ITGA8: variants seen among roughly 807,000 people sequenced by gnomAD.
The protein encoded by ITGA8 is integrin alpha-8.
Under a neutral mutation model 142.3 loss-of-function variants are expected in ITGA8, and 91 were observed. The ratio of observed to expected loss-of-function variants is 0.64; its 90% CI spans 0.54 to 0.76. The LOEUF (loss-of-function observed/expected upper bound fraction) is 0.76, where lower values mean the gene tolerates loss of function less well. Among genes scored for constraint, ITGA8 ranks in the 30% least tolerant of loss-of-function variants. The probability of loss-of-function intolerance (pLI) is 0.00; values close to 1 mark genes in which losing one functional copy is unlikely to be tolerated. For missense variants in ITGA8, 1,406 were observed against 1,327.7 expected (o/e 1.06, Z -0.92); for synonymous variants, 505 against 485.2 (o/e 1.04, Z -0.54).
At chr10:15,607,602 T>C (rs1833217924) in intron 17 of ITGA8, 75 bp downstream of exon 17, 2 of 1,387,330 alleles carry the variant, frequency 1.4e-6, no homozygotes, top group Non-Finnish European at 2.0e-6. Context: ...ACAAACATGA[T>C]GGTTAAATGG....
chr10:15,608,627 G>C (rs1451603149), intron 15 of ITGA8, among the ~76,000 whole-genome samples: 1 of 152,106 alleles, frequency 6.6e-6, no homozygotes, highest in Non-Finnish European at 1.5e-5. Context: ...GGAAGAATTA[G>C]GCAGCAGAGC....
chr10:15,699,211 G>C (rs1835113028), intron 2 of ITGA8, among the ~76,000 whole-genome samples: 2 of 152,190 alleles, frequency 1.3e-5, no homozygotes, highest in Admixed American at 1.3e-4. Context: ...TTGAACCTGG[G>C]AAGCAGAGGT....
intron 13 of ITGA8, among the ~76,000 whole-genome samples, chr10:15,642,215 A>AT (rs1833884464): frequency 6.6e-6 from 1 of 152,122 alleles, no homozygotes; most frequent in African/African-American, 2.4e-5. Flanking sequence ...CTGCTTTTAA[A>AT]TTTTTTCTCC....
rs201549387 is a variant in ITGA8 at position 15,548,561 on chromosome 10, G to C, written c.2774C>G (p.Thr925Arg). The change falls in exon 27 of 30, where the codon ACA (threonine) becomes AGA (arginine). Residue 925 changes from threonine (T) to arginine (R), a missense_variant. Transcript: ENST00000378076. The stretch of plus-strand genomic sequence containing the variant: ...GGAGATTTGTAAACACTCGATATTT[G>C]TACAATTCTGCAAACAGCAGTGGGA... Reference protein sequence around the residue: ...RQSPAKILNCTNIECLQISCA... With the variant: ...RQSPAKILNCRNIECLQISCA... 1.2e-6 allele frequency: 2 copies of C among 1,608,486 alleles called. No homozygotes were observed. Among genetic ancestry groups the C allele is most frequent in the Admixed American group, 3.4e-5 (2 of 59,436 alleles).
chr10:15,536,430 A>C (rs184812186), intron 27 of ITGA8, among the ~76,000 whole-genome samples: 24 of 152,356 alleles, frequency 1.6e-4, no homozygotes, highest in Admixed American at 1.3e-3. Context: ...GGCATGGCAC[A>C]GGTGAGTATT....
At chr10:15,605,667 C>T (rs1328609204) in intron 19 of ITGA8, 57 bp downstream of exon 19, 4 of 1,394,794 alleles carry the variant, frequency 2.9e-6, no homozygotes, top group Non-Finnish European at 2.0e-6. Context: ...AGAACCTTTA[C>T]ATAAATACCT....
chr10:15,549,163 A>G (rs866605802), intron 26 of ITGA8, among the ~76,000 whole-genome samples: 1 of 135,810 alleles, frequency 7.4e-6, no homozygotes, highest in Non-Finnish European at 1.6e-5. Flanking sequence ...CATTCTATCT[A>G]TCAAATCAGA....
intron 20 of ITGA8, among the ~76,000 whole-genome samples, chr10:15,598,461 C>T (rs1036464151): frequency 6.6e-6 from 1 of 152,014 alleles, no homozygotes; most frequent in Non-Finnish European, 1.5e-5. Flanking sequence ...AAACCGAAAA[C>T]CCAAGCAAAA....
chr10:15,708,685 G>A (rs1004731581), intron 2 of ITGA8, among the ~76,000 whole-genome samples: 1 of 152,196 alleles, frequency 6.6e-6, no homozygotes, highest in African/African-American at 2.4e-5. Context: ...TTCGATAGGT[G>A]CAGTTAAGTA....
At chr10:15,552,208 C>T (rs1015714567) in intron 26 of ITGA8, among the ~76,000 whole-genome samples, 2 of 151,908 alleles carry the variant, frequency 1.3e-5, no homozygotes, top group African/African-American at 4.8e-5. Context: ...GCCATCTCAG[C>T]GCACTACAAG....
chr10:15,652,546 C>T (rs1329328115), intron 11 of ITGA8, among the ~76,000 whole-genome samples: 3 of 151,892 alleles, frequency 2.0e-5, no homozygotes, highest in East Asian at 1.9e-4. Context: ...TATGTCTGGC[C>T]TTCAAGTTCT....
At chr10:15,617,296 A>G (rs1280628444) in intron 13 of ITGA8, among the ~76,000 whole-genome samples, 1 of 151,934 alleles carries the variant, frequency 6.6e-6, no homozygotes, top group Admixed American at 6.5e-5. Flanking sequence ...ACAAGTAGGT[A>G]AGTGGTGGAA....
At chr10:15,661,063 G>T in intron 8 of ITGA8, 141 bp from the exon 9 acceptor site, 1 of 716,682 alleles carries the variant, frequency 1.4e-6, no homozygotes, top group East Asian at 2.7e-5. Flanking sequence ...CAAGCCCCAG[G>T]CCATCAACCA....
intron 27 of ITGA8, among the ~76,000 whole-genome samples, chr10:15,535,077 G>A (rs1186835375): frequency 6.6e-5 from 10 of 152,172 alleles, no homozygotes; most frequent in Non-Finnish European, 1.0e-4. Context: ...CTTAGCACCC[G>A]GGCCAGCGGC....
chr10:15,627,097 C>G (rs1269900899), intron 13 of ITGA8, among the ~76,000 whole-genome samples: 1 of 152,162 alleles, frequency 6.6e-6, no homozygotes, highest in African/African-American at 2.4e-5. Context: ...GCTTTAAAAA[C>G]AGACACTCCC....
chr10:15,642,430 T>A (rs1234449419), intron 13 of ITGA8, among the ~76,000 whole-genome samples: 3 of 152,172 alleles, frequency 2.0e-5, no homozygotes, highest in Non-Finnish European at 4.4e-5. Flanking sequence ...ATGACTACCA[T>A]AATAAATAGC....
chr10:15,633,612 G>A (rs1012275691), intron 13 of ITGA8, among the ~76,000 whole-genome samples: 3 of 152,146 alleles, frequency 2.0e-5, no homozygotes, highest in Non-Finnish European at 2.9e-5. Context: ...TAGAGACAGG[G>A]TTTTACCATG....
chr10:15,596,691 A>G (rs947011830), intron 21 of ITGA8: 17 of 153,582 alleles, frequency 1.1e-4, no homozygotes, highest in African/African-American at 3.9e-4. Flanking sequence ...AAAAGTATGA[A>G]ACATCAGGCT....
At chr10:15,569,948 T>C (rs1190217820) in intron 25 of ITGA8, among the ~76,000 whole-genome samples, 1 of 152,192 alleles carries the variant, frequency 6.6e-6, no homozygotes, top group African/African-American at 2.4e-5. Flanking sequence ...TTTAGCATCA[T>C]AAGAGGAGAA....
Sources: gnomAD v4.1 joint callset for allele counts (sites outside exome capture counted in the v4.1 genomes callset) on GRCh38, gnomAD v4.1.1 for gene constraint, MANE v1.5 for transcripts, NCBI Gene and HGNC (gene_info 2026-07-23, HGNC 2026-07-21) for gene names.